The following ATF7 variants were observed in gnomAD, a reference collection of about 807,000 sequenced individuals.
The protein encoded by ATF7 is activating transcription factor 7.
Under a neutral mutation model 50.4 loss-of-function variants are expected in ATF7, and 10 were observed. The ratio of observed to expected loss-of-function variants is 0.20; its 90% confidence interval spans 0.12 to 0.34. The LOEUF (loss-of-function observed/expected upper bound fraction) is 0.34, where lower values mean the gene tolerates loss of function less well. ATF7 is among the 10% of genes least tolerant of loss of function. The pLI is 1.00. For synonymous variants in ATF7, 201 were observed against 226.4 expected, an observed-to-expected ratio of 0.89 and a Z score of 1.01; for missense variants, 465 against 613.9, an observed-to-expected ratio of 0.76 and a Z score of 2.56.
At position 53,547,577 on chromosome 12, in the gene ATF7, C is replaced by T. The variant is rs560514895; in HGVS notation, c.146-4129G>A. Among the ~76,000 whole-genome samples the T allele has an allele frequency of 1.2e-4, 18 of 151,862 alleles. No individual in the cohort carries two copies. In the South Asian group the frequency reaches 3.7e-3, roughly 32 times the overall value. On this transcript the variant is annotated intron_variant, in intron 3 of 11. Transcript: ENST00000420353. ...CTGGGATTGTAGGTGTGAGCCACCA[C>T]ACTTGGTCATTTTCTTTTAAGAGAC...
intron 2 of ATF7, among the ~76,000 whole-genome samples, chr12:53,582,094 C>A (rs1484567589): frequency 1.3e-5 from 2 of 151,800 alleles, no homozygotes; most frequent in Admixed American, 1.3e-4. Flanking sequence ...CAAAGTGACA[C>A]CCTGTCAAAT....
At chr12:53,614,569 G>A (rs539251695) in intron 1 of ATF7, among the ~76,000 whole-genome samples, 61 of 152,256 alleles carry the variant, frequency 4.0e-4, no homozygotes, top group African/African-American at 1.4e-3. Context: ...ATTGGTTCTG[G>A]ATAGGAAATA....
intron 2 of ATF7, among the ~76,000 whole-genome samples, chr12:53,587,843 A>ATATATATATATATTTTT: frequency 8.1e-5 from 5 of 61,558 alleles, no homozygotes; most frequent in Non-Finnish European, 1.4e-4. Context: ...ATATATATAT[A>ATATATATATATATTTTT]TTTTTTTTTT....
intron 2 of ATF7, among the ~76,000 whole-genome samples, chr12:53,590,851 T>G (rs1942907917): frequency 6.6e-6 from 1 of 152,140 alleles, no homozygotes; most frequent in South Asian, 2.1e-4. Context: ...ACAGAGACAG[T>G]ACAAAGATCA....
intron 11 of ATF7, among the ~76,000 whole-genome samples, chr12:53,518,927 G>A (rs983714126): frequency 4.0e-5 from 6 of 151,418 alleles, no homozygotes; most frequent in African/African-American, 9.7e-5. Context: ...GGTGGCGGGC[G>A]CCTGTTGTCC....
chr12:53,625,150 G>T (rs1444718664), intron 1 of ATF7, among the ~76,000 whole-genome samples: 1 of 152,170 alleles, frequency 6.6e-6, no homozygotes, highest in Non-Finnish European at 1.5e-5. Context: ...GGTGCCCTGG[G>T]TTGTAAACAC....
intron 2 of ATF7, among the ~76,000 whole-genome samples, chr12:53,572,526 C>T (rs899299982): frequency 2.0e-5 from 3 of 152,216 alleles, no homozygotes; most frequent in South Asian, 2.1e-4. Context: ...TAGGTTCTTA[C>T]GGTGAATATC....
At chr12:53,531,982 C>T in intron 8 of ATF7, 86 bp from the exon 9 acceptor site, 1 of 1,457,230 alleles carries the variant, frequency 6.9e-7, no homozygotes, top group Non-Finnish European at 9.2e-7. Flanking sequence ...TATTATTGAC[C>T]TTATAGATAG....
chr12:53,593,553 A>G (rs1314542645), intron 2 of ATF7, among the ~76,000 whole-genome samples: 1 of 152,204 alleles, frequency 6.6e-6, no homozygotes, highest in Admixed American at 6.6e-5. Flanking sequence ...CATAATGTAC[A>G]ATTTATTGGC....
chr12:53,534,170 G>A (rs554228223), intron 6 of ATF7, among the ~76,000 whole-genome samples: 12 of 152,122 alleles, frequency 7.9e-5, no homozygotes, highest in Non-Finnish European at 1.3e-4. Flanking sequence ...CCAGCTACTC[G>A]GGAGGCTGAG....
chr12:53,556,946 T>C (rs1012542961), intron 2 of ATF7, among the ~76,000 whole-genome samples: 2 of 152,216 alleles, frequency 1.3e-5, no homozygotes, highest in South Asian at 2.1e-4. Flanking sequence ...TTTAATAAGA[T>C]GGGATCTCAT....
At position 53,524,884 on chromosome 12, in the gene ATF7, C is replaced by T. The variant is rs1433359397; in HGVS notation, c.928-123G>A. 6 of 930,932 alleles carry T rather than the reference C, an allele frequency of 6.4e-6. No homozygotes were observed. The highest frequency in any genetic ancestry group is 7.8e-6 in the Non-Finnish European group (5 of 645,148). The allele number at this position is 930,932 out of a possible 1,614,324, so 57.7% of individuals were successfully genotyped here. A position where few individuals can be genotyped will look rare whatever the true frequency, so the allele number is the denominator to read the frequency against. On this transcript the variant is annotated intron_variant, in intron 9 of 11. Coordinates refer to ENST00000420353, the MANE Select transcript of ATF7 (RefSeq NM_006856.3). The surrounding 1 kb of genome is among the most constrained non-coding windows in gnomAD (Gnocchi z 4.6). Reference sequence around the variant, plus strand: ...ATATACCAGCCTCTGGTAACCACAGCAAGTCTCATTACTATGTCCCCAAGC... The same window carrying T: ...ATATACCAGCCTCTGGTAACCACAGTAAGTCTCATTACTATGTCCCCAAGC...
chr12:53,565,338 G>C (rs1451460626), intron 2 of ATF7, among the ~76,000 whole-genome samples: 1 of 151,998 alleles, frequency 6.6e-6, no homozygotes. Flanking sequence ...TATTTGATGG[G>C]ATTGAGAAAT....
intron 2 of ATF7, among the ~76,000 whole-genome samples, chr12:53,570,270 A>AT (rs1172731340): frequency 6.6e-6 from 1 of 152,218 alleles, no homozygotes; most frequent in African/African-American, 2.4e-5. Context: ...CCACTCCATT[A>AT]TATCATAATG....
intron 11 of ATF7, among the ~76,000 whole-genome samples, chr12:53,520,243 G>A (rs997000618): frequency 1.3e-5 from 2 of 151,918 alleles, no homozygotes; most frequent in African/African-American, 4.8e-5. Context: ...TTCTAGCTCT[G>A]CTGTCTCCCT....
At chr12:53,577,394 G>A (rs773568851) in intron 2 of ATF7, among the ~76,000 whole-genome samples, 2 of 151,798 alleles carry the variant, frequency 1.3e-5, no homozygotes, top group Non-Finnish European at 2.9e-5. Context: ...AATACAAAAG[G>A]TATAATATGT....
At chr12:53,521,119 A>G (rs1774183038) in intron 11 of ATF7, among the ~76,000 whole-genome samples, 1 of 152,036 alleles carries the variant, frequency 6.6e-6, no homozygotes, top group African/African-American at 2.4e-5. Flanking sequence ...CAGGCTCCCA[A>G]GTAGCTGGGA....
chr12:53,546,373 C>CAAAAAAAACAA (rs1555218461), intron 3 of ATF7, among the ~76,000 whole-genome samples: 3 of 60,262 alleles, frequency 5.0e-5, no homozygotes, highest in Admixed American at 3.4e-4. Context: ...GAACCTGTCT[C>CAAAAAAAACAA]AAAAAAAACA....
intron 2 of ATF7, among the ~76,000 whole-genome samples, chr12:53,556,285 T>C (rs1221406433): frequency 1.3e-5 from 2 of 152,208 alleles, no homozygotes; most frequent in Non-Finnish European, 2.9e-5. Context: ...ATGTATTTCA[T>C]GAATTTAAAA....
Sources: allele counts gnomAD v4.1 joint callset (sites outside exome capture counted in the v4.1 genomes callset), GRCh38; gene constraint gnomAD v4.1.1; non-coding constraint Gnocchi (gnomAD v3.1); transcripts MANE v1.5; gene names NCBI Gene and HGNC (gene_info 2026-07-23, HGNC 2026-07-21).